The following MAST2 variants were observed in gnomAD, a reference collection of about 807,000 sequenced individuals.
MAST2 encodes microtubule-associated serine/threonine-protein kinase 2.
MAST2 carries 70 observed loss-of-function variants against 147.4 expected under a neutral mutation model. The observed-to-expected ratio is 0.47, with a 90% confidence interval of 0.39 to 0.58. MAST2 has a LOEUF of 0.58. Ranked by LOEUF, MAST2 falls within the 20% of genes least tolerant of loss-of-function variation. The pLI is 0.00. For synonymous variants in MAST2, 869 were observed against 896.8 expected (o/e 0.97, Z 0.55); for missense variants, 2,080 against 2,302.3 (o/e 0.90, Z 1.98).
At chr1:45,827,793 C>G (rs1178109546) in intron 2 of MAST2, among the ~76,000 whole-genome samples, 1 of 152,132 alleles carries the variant, frequency 6.6e-6, no homozygotes, top group Non-Finnish European at 1.5e-5. Context: ...AATGTCACTA[C>G]AAAAACATGC....
intron 3 of MAST2, among the ~76,000 whole-genome samples, chr1:45,878,029 C>A (rs1473234419): frequency 6.6e-6 from 1 of 151,978 alleles, no homozygotes; most frequent in African/African-American, 2.4e-5. Context: ...CATGGTGAAA[C>A]CCCGTCGCTA....
At chr1:46,006,104 TA>T in intron 7 of MAST2, 136 bp from the exon 8 acceptor site, 1 of 784,166 alleles carries the variant, frequency 1.3e-6, no homozygotes, top group Non-Finnish European at 2.0e-6. Flanking sequence ...CAGGCAAGGC[TA>T]AGGGAGTAGG....
rs765526345 is a variant in MAST2 at position 46,023,065 on chromosome 1, A to T, written c.1485+94A>T. 3.0e-6 allele frequency: 4 copies of T among 1,331,848 alleles called. No individual in the cohort carries two copies. The Admixed American group carries it at 7.0e-5, about 23-fold the overall frequency. The allele number at this position is 1,331,848 out of a possible 1,614,324, so 82.5% of individuals were successfully genotyped here. ...CTTTAAGAGAATATCTGAGGAAGGG[A>T]TGGGGGAGTTGGTGACAGCAAACAC... On this transcript the variant is annotated intron_variant, in intron 13 of 28. Coordinates refer to ENST00000361297, the MANE Select transcript of MAST2 (RefSeq NM_015112.3). This position sits in a 1 kb window ranked among gnomAD's most constrained non-coding sequence, Gnocchi z 4.9.
At chr1:45,963,963 A>G (rs906236775) in intron 5 of MAST2, among the ~76,000 whole-genome samples, 1 of 152,182 alleles carries the variant, frequency 6.6e-6, no homozygotes, top group Non-Finnish European at 1.5e-5. Context: ...TTCTGCATCT[A>G]TTGAGATAAT....
chr1:45,918,261 G>A (rs937685486), intron 4 of MAST2, among the ~76,000 whole-genome samples: 11 of 152,230 alleles, frequency 7.2e-5, no homozygotes, highest in African/African-American at 2.4e-4. Flanking sequence ...GAGCCTGAAT[G>A]GAGATATCTG....
At chr1:46,006,006 C>T (rs895080216) in intron 7 of MAST2, among the ~76,000 whole-genome samples, 4 of 152,202 alleles carry the variant, frequency 2.6e-5, no homozygotes, top group African/African-American at 7.2e-5. Context: ...CTGGGCCCAA[C>T]TCCCTGCACA....
intron 4 of MAST2, among the ~76,000 whole-genome samples, chr1:45,951,358 G>A (rs1442703475): frequency 6.6e-6 from 1 of 152,136 alleles, no homozygotes. Flanking sequence ...CAAGACGGGC[G>A]GATCACTTGA....
At chr1:45,989,683 A>G (rs917672844) in intron 5 of MAST2, among the ~76,000 whole-genome samples, 1 of 152,150 alleles carries the variant, frequency 6.6e-6, no homozygotes. Context: ...CTGCCACTAC[A>G]GTATCATACA....
At chr1:45,922,606 GA>G (rs1653694689) in intron 4 of MAST2, among the ~76,000 whole-genome samples, 1 of 152,232 alleles carries the variant, frequency 6.6e-6, no homozygotes, top group African/African-American at 2.4e-5. Context: ...GGCACTGACA[GA>G]GGGGAGAAGC....
chr1:46,032,786 T>G lies in MAST2; in HGVS notation c.3537+68T>G, dbSNP rs530269741. On this transcript the variant is annotated intron_variant, in intron 26 of 28. Transcript: ENST00000361297. ...CAGCCTGTGAGTCTGTGATGGCAGT[T>G]AGGGGAGTGGGTGAGTTGGGTGCAC... 1.7e-5 allele frequency: 26 copies of G among 1,570,624 alleles called. No homozygotes were observed. In the African/African-American group the frequency reaches 3.5e-4, roughly 21 times the overall value.
chr1:45,959,575 T>C, intron 5 of MAST2, 98 bp downstream of exon 5: 1 of 989,030 alleles, frequency 1.0e-6, no homozygotes, highest in Non-Finnish European at 1.5e-6. Flanking sequence ...GTATATTACA[T>C]TGTCACTTTA....
chr1:45,873,348 A>G (rs1027331776), intron 3 of MAST2, among the ~76,000 whole-genome samples: 11 of 150,960 alleles, frequency 7.3e-5, no homozygotes, highest in African/African-American at 2.7e-4. Context: ...GTGCACCACC[A>G]CTCCTGGCTA....
At chr1:45,830,085 G>T (rs765645623) in intron 3 of MAST2, among the ~76,000 whole-genome samples, 6 of 151,574 alleles carry the variant, frequency 4.0e-5, no homozygotes, top group Non-Finnish European at 7.4e-5. Flanking sequence ...TTGAACTCCT[G>T]ACCTCAGGTG....
rs1289147631 is a variant in MAST2, at chr1:46,006,223, T to C, written c.748-18T>C. The C allele has an allele frequency of 6.2e-7, 1 of 1,605,534 alleles. No individual in the cohort carries two copies. Among genetic ancestry groups the C allele is most frequent in the African/African-American group, 1.3e-5 (1 of 74,772 alleles). ...GGGACATGTCTTTAATGCCACTTCT[T>C]AATGTTTTCCCCTCTAGTCATCATG... On this transcript the variant is annotated intron_variant, in intron 7 of 28. Coordinates refer to ENST00000361297, the MANE Select transcript of MAST2 (RefSeq NM_015112.3).
intron 4 of MAST2, among the ~76,000 whole-genome samples, chr1:45,882,661 T>C (rs536034658): frequency 6.6e-6 from 1 of 152,326 alleles, no homozygotes; most frequent in South Asian, 2.1e-4. Flanking sequence ...TAAATATTCA[T>C]CACAGTCTTA....
chr1:45,998,353 G>A (rs1645140439), intron 6 of MAST2, among the ~76,000 whole-genome samples: 1 of 152,182 alleles, frequency 6.6e-6, no homozygotes, highest in Non-Finnish European at 1.5e-5. Context: ...ACAGAGCCAT[G>A]CTTACAGTCC....
intron 4 of MAST2, among the ~76,000 whole-genome samples, chr1:45,935,820 A>G (rs963285218): frequency 2.0e-5 from 3 of 152,158 alleles, no homozygotes; most frequent in Non-Finnish European, 2.9e-5. Context: ...ATTAGGTAGT[A>G]TAATGCCTCT....
At chr1:45,861,552 G>T (rs892645010) in intron 3 of MAST2, among the ~76,000 whole-genome samples, 1 of 151,802 alleles carries the variant, frequency 6.6e-6, no homozygotes, top group Non-Finnish European at 1.5e-5. Flanking sequence ...TTTGTTACCT[G>T]TACCTGCTTT....
chr1:46,005,160 C>T (rs1202333283), intron 7 of MAST2, among the ~76,000 whole-genome samples: 2 of 152,138 alleles, frequency 1.3e-5, no homozygotes, highest in African/African-American at 4.8e-5. Context: ...GTCGGGAGTT[C>T]CAGACCAGCC....
Sources: allele counts gnomAD v4.1 joint callset (sites outside exome capture counted in the v4.1 genomes callset), GRCh38; gene constraint gnomAD v4.1.1; non-coding constraint Gnocchi (gnomAD v3.1); transcripts MANE v1.5; gene names NCBI Gene and HGNC (gene_info 2026-07-23, HGNC 2026-07-21).